Variants in USP28 observed in about 807,000 individuals in gnomAD.
USP28 encodes ubiquitin carboxyl-terminal hydrolase 28.
USP28 carries 113 observed loss-of-function variants against 145.0 expected under a neutral mutation model. The observed-to-expected ratio is 0.78, with a 90% CI of 0.67 to 0.91. The LOEUF is 0.91. USP28 is among the 40% of genes least tolerant of loss of function. The pLI, the probability that USP28 is intolerant of heterozygous loss-of-function variation, is 0.00. For missense variants in USP28, 1,201 were observed against 1,289.6 expected, an observed-to-expected ratio of 0.93 and a Z score of 1.05; for synonymous variants, 447 against 450.9, an observed-to-expected ratio of 0.99 and a Z score of 0.11.
intron 16 of USP28, 140 bp downstream of exon 16, chr11:113,812,135 CT>C (rs1941081575): frequency 1.7e-6 from 1 of 596,570 alleles, no homozygotes; most frequent in East Asian, 3.0e-5. Flanking sequence ...TTTTCATTTC[CT>C]TTTATACTGT....
In USP28 at chr11:113,855,689, G is replaced by C. The variant is rs575218630; in HGVS notation, c.58-1354C>G. On this transcript the variant is annotated intron_variant, in intron 1 of 24. Transcript: ENST00000003302. The stretch of plus-strand genomic sequence containing the variant: ...CCCAGCACTTTGGGAGGCCAGGGTG[G>C]GCAGATCACTTGAGGTTGGGAGTTC... Among the ~76,000 whole-genome samples the C allele has an allele frequency of 5.9e-5, 9 of 152,290 alleles. No homozygotes were observed. In the South Asian group the frequency reaches 1.9e-3, roughly 32 times the overall value.
intron 1 of USP28, among the ~76,000 whole-genome samples, chr11:113,856,699 TTTTA>T (rs1287756286): frequency 1.3e-5 from 2 of 152,068 alleles, no homozygotes; most frequent in Non-Finnish European, 2.9e-5. Context: ...TTCTTGTATG[TTTTA>T]TTTATTTTTA....
At chr11:113,849,918 A>T (rs150331211) in intron 3 of USP28, among the ~76,000 whole-genome samples, 20 of 152,306 alleles carry the variant, frequency 1.3e-4, no homozygotes, top group African/African-American at 4.8e-4. Context: ...AGACCATGCA[A>T]ATGCTTTCAG....
Position 113,801,713 on chromosome 11 carries a change from T to G in USP28, c.2863-35A>C, listed in dbSNP as rs376787455. 34 of 1,513,028 alleles carry G rather than the reference T, an allele frequency of 2.2e-5. No individual in the cohort carries two copies. The African/African-American group carries it at 4.6e-4, about 21-fold the overall frequency. The allele number at this position is 1,513,028 out of a possible 1,614,324, so 93.7% of individuals were successfully genotyped here. On this transcript the variant is annotated intron_variant, in intron 23 of 24. Coordinates refer to ENST00000003302, the Ensembl canonical transcript of USP28. ...AAAGGTAGAATTAGGTGGGGAAGAG[T>G]CTGAAAAAGATAAATATCTCTTTAA...
intron 3 of USP28, among the ~76,000 whole-genome samples, chr11:113,844,939 T>TA (rs944339970): frequency 4.6e-5 from 7 of 151,350 alleles, no homozygotes; most frequent in Non-Finnish European, 8.8e-5. Context: ...ACCTTGCCTC[T>TA]AAAAAAAATT....
chr11:113,837,333 C>T (rs945283597), intron 5 of USP28, among the ~76,000 whole-genome samples: 4 of 152,174 alleles, frequency 2.6e-5, no homozygotes, highest in Non-Finnish European at 4.4e-5. Flanking sequence ...TGAGGGAACT[C>T]GCATGCATCC....
chr11:113,803,653 A>G (rs1355948411), intron 22 of USP28, 145 bp downstream of exon 23: 14 of 649,548 alleles, frequency 2.2e-5, no homozygotes, highest in Non-Finnish European at 3.5e-5. Context: ...TTAGAGCAAA[A>G]CCAAAGCACT....
chr11:113,816,828 A>G (rs1236259680), intron 13 of USP28, among the ~76,000 whole-genome samples: 6 of 152,224 alleles, frequency 3.9e-5, no homozygotes, highest in Non-Finnish European at 7.3e-5. Context: ...AAATTTAAGT[A>G]GAATATAAAA....
At chr11:113,805,026 G>A (rs1939697925) in exon 20 of USP28, 4 of 1,613,990 alleles carry the variant, frequency 2.5e-6, no homozygotes, top group Non-Finnish European at 2.5e-6. Context: ...GATAGAGCCT[G>A]GAGTATTCTT....
At chr11:113,826,336 C>CTTTTTTTTTTTTTTTTTTT (rs1565394775) in intron 11 of USP28, among the ~76,000 whole-genome samples, 1 of 115,186 alleles carries the variant, frequency 8.7e-6, no homozygotes, top group African/African-American at 3.2e-5. Flanking sequence ...CCACCACACC[C>CTTTTTTTTTTTTTTTTTTT]ATTTTTTTTT....
At chr11:113,802,955 AT>A (rs372024361) in intron 23 of USP28, among the ~76,000 whole-genome samples, 62 of 152,334 alleles carry the variant, frequency 4.1e-4, no homozygotes, top group Admixed American at 1.2e-3. Flanking sequence ...CTTAACTTCT[AT>A]CAGTTATCAT....
At chr11:113,830,996 T>C (rs1176207931) in intron 8 of USP28, 53 bp from the exon 9 acceptor site, 3 of 1,589,694 alleles carry the variant, frequency 1.9e-6, no homozygotes, top group Non-Finnish European at 1.7e-6. Context: ...AGATATGTGC[T>C]ACATAAAATC....
intron 1 of USP28, among the ~76,000 whole-genome samples, chr11:113,860,627 T>C (rs1591468257): frequency 1.3e-5 from 2 of 149,336 alleles, no homozygotes; most frequent in East Asian, 4.0e-4. Context: ...CTGGCCAATA[T>C]GGTGAAACCC....
chr11:113,816,242 T>C (rs1941711983), intron 13 of USP28, among the ~76,000 whole-genome samples: 2 of 151,994 alleles, frequency 1.3e-5, no homozygotes, highest in African/African-American at 4.8e-5. Context: ...TCCTGCCGGG[T>C]ACGGTGGCTC....
chr11:113,874,189 C>A (rs1235041998), intron 1 of USP28, among the ~76,000 whole-genome samples: 1 of 148,316 alleles, frequency 6.7e-6, no homozygotes, highest in Non-Finnish European at 1.5e-5. Flanking sequence ...CGGTGGCTCA[C>A]GCCTGTAATC....
At chr11:113,813,437 A>T (rs1414347561) in intron 15 of USP28, among the ~76,000 whole-genome samples, 1 of 152,258 alleles carries the variant, frequency 6.6e-6, no homozygotes, top group African/African-American at 2.4e-5. Context: ...TGGATAGTTA[A>T]GAATTTCTGT....
At position 113,871,326 on chromosome 11, in the gene USP28, T is replaced by A. The variant is rs568816080; in HGVS notation, c.57+4119A>T. Among the ~76,000 whole-genome samples the A allele has an allele frequency of 2.6e-5, 4 of 152,240 alleles. No homozygotes were observed. In the South Asian group the frequency reaches 8.3e-4, roughly 32 times the overall value. ...AGCAAGGGAGAAGACAGTGAAGGTG[T>A]CTGGGGGTTAGACTAGGACTAAGGA... On this transcript the variant is annotated intron_variant, in intron 1 of 24. Coordinates refer to ENST00000003302, the Ensembl canonical transcript of USP28.
chr11:113,812,323 G>A (rs777657475), exon 16 of USP28: 1 of 1,614,094 alleles, frequency 6.2e-7, no homozygotes, highest in Non-Finnish European at 8.5e-7. Flanking sequence ...CAGACAGTAA[G>A]CACTAACATT....
chr11:113,803,750 G>C (rs144929430), intron 22 of USP28, 48 bp downstream of exon 23: 1 of 1,511,148 alleles, frequency 6.6e-7, no homozygotes, highest in Non-Finnish European at 9.2e-7. Flanking sequence ...CATCTACAGA[G>C]AACAGCATCC....
Sources: allele counts gnomAD v4.1 joint callset (sites outside exome capture counted in the v4.1 genomes callset), GRCh38; gene constraint gnomAD v4.1.1; transcripts MANE v1.5; gene names NCBI Gene and HGNC (gene_info 2026-07-23, HGNC 2026-07-21).